Variants in BMI1 observed in about 807,000 individuals in gnomAD.
BMI1 encodes polycomb complex protein BMI-1.
In BMI1, 9 loss-of-function variants were observed where a neutral mutation model predicts 39.1. That is an observed-to-expected ratio of 0.23 (90% CI 0.14 to 0.40). BMI1 has a LOEUF of 0.40. Among genes scored for constraint, BMI1 ranks in the 10% least tolerant of loss-of-function variants. BMI1 has a pLI of 1.00. For missense variants in BMI1, 252 were observed against 390.8 expected (o/e 0.64, Z 2.99); for synonymous variants, 131 against 127.9 (o/e 1.02, Z -0.16).
intron 1 of BMI1, among the ~76,000 whole-genome samples, chr10:22,324,690 CT>C (rs1371566991): frequency 1.3e-5 from 2 of 152,206 alleles, no homozygotes; most frequent in Non-Finnish European, 2.9e-5. Context: ...GTATATCTTA[CT>C]GCAAGTTTCA....
Position 22,329,144 on chromosome 10 carries a change from G to A in BMI1, c.651+16G>A, listed in dbSNP as rs750171909. On this transcript the variant is annotated intron_variant, in intron 9 of 9. Transcript: ENST00000376663. The stretch of plus-strand genomic sequence containing the variant: ...CTGGAGAAGGGTAAGTAGCATATCT[G>A]TTGTTAGATTATGATGGTAAACTAT... The A allele has an allele frequency of 3.1e-6, 5 of 1,611,550 alleles. No individual in the cohort carries two copies. Among genetic ancestry groups the A allele is most frequent in the Non-Finnish European group, 3.4e-6 (4 of 1,179,134 alleles).
intron 1 of BMI1, among the ~76,000 whole-genome samples, chr10:22,325,371 G>A (rs115663738): frequency 0.011 from 1,711 of 152,318 alleles, 28 homozygotes; most frequent in African/African-American, 0.038. Flanking sequence ...TCTGAAACCA[G>A]CTCTGCGCAC....
intron 1 of BMI1, chr10:22,321,965 G>A (rs1836014309): frequency 6.9e-6 from 1 of 144,914 alleles, no homozygotes; most frequent in African/African-American, 2.5e-5. Flanking sequence ...CGCAGCCCGC[G>A]CCGCGCCGCC....
At position 22,329,898 on chromosome 10, in the gene BMI1, C is replaced by T; in HGVS notation, c.*356C>T. On this transcript the variant is annotated 3_prime_UTR_variant, in exon 10 of 10. Coordinates refer to ENST00000376663, the MANE Select transcript of BMI1 (RefSeq NM_005180.9). ...TTAATCTCAACTAACGCCTACATTA[C>T]ATTCTCCTTGATCGTTCTTGTTATT... 4.9e-6 allele frequency: 1 copy of T among 203,252 alleles called. No homozygotes were observed. Among genetic ancestry groups the T allele is most frequent in the East Asian group, 1.2e-4 (1 of 8,472 alleles). 12.6% of individuals were successfully genotyped at this position (203,252 alleles called of 1,614,324 possible).
chr10:22,322,933 A>C (rs1028485407), intron 1 of BMI1, among the ~76,000 whole-genome samples: 4 of 152,234 alleles, frequency 2.6e-5, no homozygotes, highest in Admixed American at 1.3e-4. Flanking sequence ...CACTTGCAAT[A>C]AAAGGATTTA....
rs752150110 is a variant in BMI1 at position 22,327,950 on chromosome 10, C to T, written c.317C>T (p.Ala106Val). ...DFYAAHPSAD[A>V]ANGSNEDRGE... ...ATTACATTTCACTATATCGTTATAG[C>T]TGCCAATGGCTCTAATGAAGATAGA... Residue 106 changes from alanine (A) to valine (V), a missense_variant and splice_region_variant, in exon 6 of 10, where the codon GCT becomes GTT. By Grantham distance (64) the Ala-to-Val change is moderately conservative. Coordinates refer to ENST00000376663, the MANE Select transcript of BMI1 (RefSeq NM_005180.9). 2.5e-6 allele frequency: 4 copies of T among 1,595,444 alleles called. No homozygotes were observed. Among genetic ancestry groups the T allele is most frequent in the South Asian group, 2.3e-5 (2 of 86,444 alleles).
Position 22,324,131 on chromosome 10 carries a change from C to T in BMI1, c.-19-2300C>T, listed in dbSNP as rs529589072. Reference sequence around the variant, plus strand: ...CCCTCCACTGAGGTTTGATTGTTCTCCTTGTTAATACTTGTCTTTGTGTGG... The same window carrying T: ...CCCTCCACTGAGGTTTGATTGTTCTTCTTGTTAATACTTGTCTTTGTGTGG... On this transcript the variant is annotated intron_variant, in intron 1 of 9. Transcript: ENST00000376663. Among the ~76,000 whole-genome samples the T allele has an allele frequency of 6.6e-5, 10 of 152,274 alleles. No homozygotes were observed. In the South Asian group the frequency reaches 2.1e-3, roughly 32 times the overall value.
chr10:22,325,488 A>G (rs1373737964), intron 1 of BMI1, among the ~76,000 whole-genome samples: 3 of 151,726 alleles, frequency 2.0e-5, no homozygotes, highest in Non-Finnish European at 4.4e-5. Context: ...CCCGCCGCCC[A>G]GGACTGGGTC....
At chr10:22,322,705 A>G (rs906583596) in intron 1 of BMI1, among the ~76,000 whole-genome samples, 11 of 152,086 alleles carry the variant, frequency 7.2e-5, no homozygotes, top group African/African-American at 2.7e-4. Flanking sequence ...TAAAGGATGC[A>G]CTCAGCATCA....
At chr10:22,327,113 G>C (rs1836172777) in intron 3 of BMI1, 127 bp downstream of exon 3, 2 of 1,067,956 alleles carry the variant, frequency 1.9e-6, no homozygotes, top group Non-Finnish European at 2.7e-6. Context: ...TGTGTGCTTT[G>C]TGGAGGGTAG....
rs978291517 is a variant in BMI1, at chr10:22,328,913, A to C, written c.571-135A>C. On this transcript the variant is annotated intron_variant, in intron 8 of 9. Transcript: ENST00000376663. ...TCTAGAAATAATTTTTTCTCATTTG[A>C]AGTTTCAGGAGTCTTTCTTTGTTAA... 4 of 1,071,380 alleles carry C rather than the reference A, an allele frequency of 3.7e-6. No individual in the cohort carries two copies. The African/African-American group carries it at 6.5e-5, about 17-fold the overall frequency. The allele number at this position is 1,071,380 out of a possible 1,614,324, so 66.4% of individuals were successfully genotyped here.
In BMI1 at chr10:22,321,245, G is replaced by A. The variant is rs887867368; in HGVS notation, c.-471G>A. ...TGAAATAATCGTAGTATGAGAGGCAGAGATCGGGGCGAGACAATGGGGATG... is the reference window on the plus strand; with the variant it reads ...TGAAATAATCGTAGTATGAGAGGCAAAGATCGGGGCGAGACAATGGGGATG... On this transcript the variant is annotated 5_prime_UTR_variant, in exon 1 of 10. Coordinates refer to ENST00000376663, the MANE Select transcript of BMI1 (RefSeq NM_005180.9). The A allele has an allele frequency of 3.3e-5, 5 of 150,464 alleles. No homozygotes were observed. The highest frequency in any genetic ancestry group is 1.2e-4 in the African/African-American group (5 of 41,024). The allele number at this position is 150,464 out of a possible 1,614,324, so 9.3% of individuals were successfully genotyped here.
chr10:22,325,603 CCCCCGCGGCGCGCCG>C (rs1040610541), intron 1 of BMI1: 15 of 145,422 alleles, frequency 1.0e-4, no homozygotes, highest in African/African-American at 3.0e-4. Flanking sequence ...GCCGGCCCCG[CCCCCGCGGCGCGCCG>C]CCCCTCCCCC....
At position 22,326,874 on chromosome 10, in the gene BMI1, C is replaced by G; in HGVS notation, c.113-16C>G. On this transcript the variant is annotated splice_polypyrimidine_tract_variant and intron_variant, in intron 2 of 9. Coordinates refer to ENST00000376663, the MANE Select transcript of BMI1 (RefSeq NM_005180.9). ...CATTTCTAAACATAAAAAAACTTCA[C>G]ATGTTCTACTTCTAGTCTGTAAAAC... is the stretch of plus-strand genomic sequence containing the variant. 1 of 1,611,668 alleles carries G rather than the reference C, an allele frequency of 6.2e-7. No homozygotes were observed. Among genetic ancestry groups the G allele is most frequent in the Non-Finnish European group, 8.5e-7 (1 of 1,179,148 alleles).
chr10:22,328,218 G>GT, intron 7 of BMI1, 39 bp downstream of exon 7: 1 of 1,566,864 alleles, frequency 6.4e-7, no homozygotes, highest in Non-Finnish European at 8.6e-7. Flanking sequence ...AAGAAACATT[G>GT]TTTGGAATCC....
Position 22,329,946 on chromosome 10 carries a change from A to G in BMI1, c.*404A>G, listed in dbSNP as rs1836247077. 1 of 167,802 alleles carries G rather than the reference A, an allele frequency of 6.0e-6. No homozygotes were observed. Among genetic ancestry groups the G allele is most frequent in the South Asian group, 1.6e-4 (1 of 6,356 alleles). The allele number at this position is 167,802 out of a possible 1,614,324, so 10.4% of individuals were successfully genotyped here. A position where few individuals can be genotyped will look rare whatever the true frequency, so the allele number is the denominator to read the frequency against. On this transcript the variant is annotated 3_prime_UTR_variant, in exon 10 of 10. Transcript: ENST00000376663. ...ATTACGCTGTTTTGTGAACCTGTAGAAAACAAGTGCTTTTTATCTTGAAAT... is the reference window on the plus strand; with the variant it reads ...ATTACGCTGTTTTGTGAACCTGTAGGAAACAAGTGCTTTTTATCTTGAAAT...
At chr10:22,328,575 G>A in intron 7 of BMI1, 25 bp from the exon 8 acceptor site, 2 of 1,576,736 alleles carry the variant, frequency 1.3e-6, no homozygotes, top group Non-Finnish European at 1.7e-6. Flanking sequence ...AACTGAAAAA[G>A]TTACTTTTCT....
chr10:22,327,559 C>A (rs1836187790), intron 3 of BMI1, 36 bp from the exon 4 acceptor site: 1 of 1,555,416 alleles, frequency 6.4e-7, no homozygotes, highest in Non-Finnish European at 8.7e-7. Context: ...TTCTTGCCAT[C>A]TGAATTCATA....
chr10:22,323,474 C>G (rs1836058705), intron 1 of BMI1, among the ~76,000 whole-genome samples: 1 of 152,194 alleles, frequency 6.6e-6, no homozygotes, highest in African/African-American at 2.4e-5. Flanking sequence ...AATACTCTAT[C>G]ACTAACTTCT....
Sources: allele counts gnomAD v4.1 joint callset (sites outside exome capture counted in the v4.1 genomes callset), GRCh38; gene constraint gnomAD v4.1.1; transcripts MANE v1.5; gene names NCBI Gene and HGNC (gene_info 2026-07-23, HGNC 2026-07-21).